The following ABCA3 variants were observed in gnomAD, a reference collection of about 807,000 sequenced individuals.
ABCA3 encodes phospholipid-transporting ATPase ABCA3.
ABCA3 carries 88 observed loss-of-function variants against 172.8 expected under a neutral mutation model. That is an observed-to-expected ratio of 0.51 (90% confidence interval 0.43 to 0.61). ABCA3 has a LOEUF of 0.61. Ranked by LOEUF, ABCA3 falls within the 20% of genes least tolerant of loss-of-function variation. The pLI, the probability that ABCA3 is intolerant of heterozygous loss-of-function variation, is 0.00. For missense variants in ABCA3, 2,164 were observed against 2,301.0 expected (o/e 0.94, Z 1.22); for synonymous variants, 1,066 against 983.8 (o/e 1.08, Z -1.56).
chr16:2,314,689 G>C (rs971358285), intron 10 of ABCA3, among the ~76,000 whole-genome samples: 1 of 151,618 alleles, frequency 6.6e-6, no homozygotes, highest in Non-Finnish European at 1.5e-5. Context: ...CAATTCTCCT[G>C]CCTCAACCTC....
chr16:2,293,367 CTTTTTTTT>C (rs71148126), intron 18 of ABCA3, among the ~76,000 whole-genome samples: 1 of 103,428 alleles, frequency 9.7e-6, no homozygotes, highest in African/African-American at 3.6e-5. Context: ...GCCAAAATGC[CTTTTTTTT>C]TTTTTTTTTT....
At chr16:2,295,508 G>A (rs1402454046) in intron 18 of ABCA3, 82 bp downstream of exon 18, 1 of 1,582,660 alleles carries the variant, frequency 6.3e-7, no homozygotes, top group Non-Finnish European at 8.6e-7. Context: ...CAGAGCAGGT[G>A]CCTCTGAGCA....
At chr16:2,293,686 C>T (rs374572231) in intron 18 of ABCA3, among the ~76,000 whole-genome samples, 6 of 151,634 alleles carry the variant, frequency 4.0e-5, no homozygotes, top group Non-Finnish European at 7.4e-5. Flanking sequence ...TACAGGTGCC[C>T]GCCACCACGC....
chr16:2,310,816 G>A (rs1025775667), intron 10 of ABCA3, among the ~76,000 whole-genome samples: 8 of 151,580 alleles, frequency 5.3e-5, no homozygotes, highest in African/African-American at 7.3e-5. Context: ...TCACTTGACC[G>A]GCTGATTTTT....
chr16:2,294,649 C>A (rs2093677090), intron 18 of ABCA3, among the ~76,000 whole-genome samples: 1 of 152,156 alleles, frequency 6.6e-6, no homozygotes. Context: ...TGCACCACTG[C>A]ACTCCAGCCT....
chr16:2,334,156 G>A (rs962272573), intron 1 of ABCA3, among the ~76,000 whole-genome samples: 1 of 152,190 alleles, frequency 6.6e-6, no homozygotes, highest in Non-Finnish European at 1.5e-5. Context: ...CCGGGAGGGT[G>A]ATGGGGGGAG....
At chr16:2,328,835 C>G (rs2093738663) in intron 2 of ABCA3, 78 bp from the exon 3 acceptor site, 2 of 192,172 alleles carry the variant, frequency 1.0e-5, no homozygotes, top group Admixed American at 5.4e-5. Flanking sequence ...CGAGTCATTC[C>G]TAGATCACCA....
Position 2,288,000 on chromosome 16 carries a change from C to T in ABCA3, c.3004+26G>A, listed in dbSNP as rs138359680. 1.3e-3 allele frequency: 2,034 copies of T among 1,598,266 alleles called. 3 individuals are homozygous for T. The highest frequency in any genetic ancestry group is 1.9e-3 in the Middle Eastern group (9 of 4,738). ...CTGCAGGACTGGCCCCCGATGCCCC[C>T]GTCCCGCCCCCGGGATGCCCCTTAC... On this transcript the variant is annotated intron_variant, in intron 21 of 32. Transcript: ENST00000301732. The surrounding 1 kb of genome is among the most constrained non-coding windows in gnomAD (Gnocchi z 4.1).
In ABCA3 at chr16:2,320,038, A is replaced by T. The variant is rs323064; in HGVS notation, c.614-198T>A. Among the ~76,000 whole-genome samples, 140,319 of 152,074 alleles carry T rather than the reference A, an allele frequency of 0.92. 65,787 individuals carry two copies. The highest frequency in any genetic ancestry group is 1 in the East Asian group (5,173 of 5,174). On this transcript the variant is annotated intron_variant, in intron 7 of 32. Transcript: ENST00000301732. ...ACACACTGACAGCAAATGAGAAGAG[A>T]GATGTGATTGTCACTTCCACTTTGT... is the stretch of plus-strand genomic sequence containing the variant.
chr16:2,277,578 G>T lies in ABCA3; in HGVS notation c.4983+19C>A. On this transcript the variant is annotated intron_variant, in intron 32 of 32. Transcript: ENST00000301732. The surrounding 1 kb of genome is among the most constrained non-coding windows in gnomAD (Gnocchi z 5.3). ...CCCTGCCCCATGAGTGCCCAGTGGG[G>T]CCCCAGGGACTGCCTCACCTTCGCC... The T allele has an allele frequency of 6.2e-7, 1 of 1,612,642 alleles. No individual in the cohort carries two copies. The highest frequency in any genetic ancestry group is 8.5e-7 in the Non-Finnish European group (1 of 1,179,862).
intron 7 of ABCA3, 121 bp downstream of exon 7, chr16:2,323,402 A>C (rs2093729085): frequency 7.4e-7 from 1 of 1,352,018 alleles, no homozygotes; most frequent in Middle Eastern, 2.5e-4. Flanking sequence ...CTTGGAACCA[A>C]GCCAAATGTC....
intron 26 of ABCA3, among the ~76,000 whole-genome samples, chr16:2,282,240 G>C (rs776459964): frequency 6.6e-6 from 1 of 152,194 alleles, no homozygotes; most frequent in Non-Finnish European, 1.5e-5. Flanking sequence ...AGGATTACAG[G>C]TGTGTGCCAT....
chr16:2,283,475 C>A lies in ABCA3; in HGVS notation c.3863-117G>T. On this transcript the variant is annotated intron_variant, in intron 25 of 32. Transcript: ENST00000301732. This position sits in a 1 kb window ranked among gnomAD's most constrained non-coding sequence, Gnocchi z 5.4. ...CAAGGCGCCTGTAACAATGTCCCCT[C>A]CATGGGGAGATGTGAAGGCCAGTAG... The A allele has an allele frequency of 8.3e-7, 1 of 1,206,038 alleles. No individual in the cohort carries two copies. Among genetic ancestry groups the A allele is most frequent in the South Asian group, 1.5e-5 (1 of 67,716 alleles). The allele number at this position is 1,206,038 out of a possible 1,614,324, so 74.7% of individuals were successfully genotyped here.
chr16:2,317,074 G>A (rs547793166), intron 10 of ABCA3, among the ~76,000 whole-genome samples: 1 of 152,286 alleles, frequency 6.6e-6, no homozygotes, highest in South Asian at 2.1e-4. Flanking sequence ...CACTCGGCAT[G>A]GCCAGCCACA....
intron 1 of ABCA3, among the ~76,000 whole-genome samples, chr16:2,333,113 A>T (rs17135886): frequency 6.6e-6 from 1 of 152,098 alleles, no homozygotes; most frequent in African/African-American, 2.4e-5. Flanking sequence ...CCTGGCCCTT[A>T]TGAGCCCTTT....
chr16:2,323,504 C>A lies in ABCA3; in HGVS notation c.613+19G>T. The A allele has an allele frequency of 1.9e-6, 3 of 1,613,954 alleles. 1 individual carries two copies. The South Asian group carries it at 3.3e-5, about 18-fold the overall frequency. On this transcript the variant is annotated intron_variant, in intron 7 of 32. Transcript: ENST00000301732. ...CAACAGCCCGGGCTGGTAACACGAA[C>A]CCTAACCGAGCTTCTCACCAGGTTC...
rs528606562 is a variant in ABCA3 at position 2,286,484 on chromosome 16, C to T, written c.3278+210G>A. ...AGCCTTCATGGGTCCCCGTGAGGAC[C>T]GCAGTGCATGGGATGGCCCACAGCT... On this transcript the variant is annotated intron_variant, in intron 22 of 32. Coordinates refer to ENST00000301732, the MANE Select transcript of ABCA3 (RefSeq NM_001089.3). The surrounding 1 kb of genome is among the most constrained non-coding windows in gnomAD (Gnocchi z 5.2). Among the ~76,000 whole-genome samples, 10 of 152,282 alleles carry T rather than the reference C, an allele frequency of 6.6e-5. No homozygotes were observed. In the South Asian group the frequency reaches 1.2e-3, roughly 19 times the overall value.
chr16:2,290,160 G>C (rs1211157340), intron 19 of ABCA3, among the ~76,000 whole-genome samples: 1 of 152,136 alleles, frequency 6.6e-6, no homozygotes, highest in Non-Finnish European at 1.5e-5. Flanking sequence ...CTGCCGTGAG[G>C]CCTAAGTACC....
chr16:2,317,715 C>A lies in ABCA3; in HGVS notation c.923G>T (p.Trp308Leu). 6.2e-7 allele frequency: 1 copy of A among 1,614,202 alleles called. No individual in the cohort carries two copies. The highest frequency in any genetic ancestry group is 8.5e-7 in the Non-Finnish European group (1 of 1,180,028). The change falls in exon 9 of 33, where the codon TGG (tryptophan) becomes TTG (leucine). Residue 308 changes from tryptophan (W) to leucine (L), a missense_variant. Around this residue, in one of 3 missense-constraint regions of ABCA3, gnomAD observed 1,343 missense variants for 1,369.6 expected, o/e 0.98. Coordinates refer to ENST00000301732, the MANE Select transcript of ABCA3 (RefSeq NM_001089.3). ...GAGGAAGAGGAAGAACAAGAGGAACCAGGCACTCCAGTGCAGCCAGCTGCT... is the reference window on the plus strand; with the variant it reads ...GAGGAAGAGGAAGAACAAGAGGAACAAGGCACTCCAGTGCAGCCAGCTGCT... ...GLSSWLHWSAWFLLFFLFLLI... is the reference protein window; with the variant it reads ...GLSSWLHWSALFLLFFLFLLI...
Sources: allele counts gnomAD v4.1 joint callset (sites outside exome capture counted in the v4.1 genomes callset), GRCh38; gene constraint gnomAD v4.1.1; regional missense constraint gnomAD v4.1.1; non-coding constraint Gnocchi (gnomAD v3.1); transcripts MANE v1.5; gene names NCBI Gene and HGNC (gene_info 2026-07-23, HGNC 2026-07-21).